SCOC: variants seen among roughly 807,000 people sequenced by gnomAD.
SCOC encodes the protein short coiled-coil protein.
In SCOC, 7 loss-of-function variants were observed where a neutral mutation model predicts 9.9. The observed-to-expected ratio is 0.71, with a 90% CI of 0.40 to 1.33. SCOC has a LOEUF of 1.33. SCOC is among the 40% of genes most tolerant of loss of function. The pLI, the probability that SCOC is intolerant of heterozygous loss-of-function variation, is 0.01. For missense variants in SCOC, 66 were observed against 89.7 expected (o/e 0.74, Z 1.07); for synonymous variants, 19 against 28.2 (o/e 0.67, Z 1.03).
At chr4:140,287,140 C>T (rs1033933366) in intron 1 of SCOC, among the ~76,000 whole-genome samples, 1 of 151,922 alleles carries the variant, frequency 6.6e-6, no homozygotes, top group African/African-American at 2.4e-5. Context: ...ACATCATGTG[C>T]ACATGCCACA....
rs555226595 is a variant in SCOC, at chr4:140,330,451, A to T, written c.-18-13170A>T. Among the ~76,000 whole-genome samples the T allele has an allele frequency of 1.1e-4, 16 of 152,310 alleles. No individual in the cohort carries two copies. The East Asian group carries it at 3.1e-3, about 29-fold the overall frequency. ...AAAATTAAAAATTAAAAAACAAAAA[A>T]TGCTGAAGCTTTTTGTTAAAGAGCA... On this transcript the variant is annotated intron_variant, in intron 1 of 4. Coordinates refer to the SCOC transcript ENST00000394205.
intron 1 of SCOC, among the ~76,000 whole-genome samples, chr4:140,287,898 C>T (rs1731343897): frequency 2.0e-5 from 3 of 152,068 alleles, no homozygotes; most frequent in Admixed American, 2.0e-4. Context: ...ACACCACATA[C>T]ACACAACATA....
chr4:140,332,875 A>G (rs139597397), intron 1 of SCOC, among the ~76,000 whole-genome samples: 1 of 151,680 alleles, frequency 6.6e-6, no homozygotes, highest in Admixed American at 6.6e-5. Flanking sequence ...GCCTTCCCCT[A>G]CCCCTCACCC....
At chr4:140,376,333 A>G (rs1041815333) in intron 1 of SCOC, 1 of 152,364 alleles carries the variant, frequency 6.6e-6, no homozygotes, top group Admixed American at 6.5e-5. Context: ...AGATGGGTCT[A>G]TTTGATCACA....
chr4:140,357,284 T>TTA (rs1251621820), intron 2 of SCOC, among the ~76,000 whole-genome samples: 2 of 152,146 alleles, frequency 1.3e-5, no homozygotes, highest in Non-Finnish European at 2.9e-5. Context: ...TTAAAATCTT[T>TTA]TATATATGGT....
intron 2 of SCOC, among the ~76,000 whole-genome samples, chr4:140,349,337 A>AT (rs995472420): frequency 9.9e-5 from 15 of 152,214 alleles, no homozygotes; most frequent in East Asian, 1.9e-4. Context: ...GAATATTTCA[A>AT]TTTTTTGTAC....
intron 1 of SCOC, among the ~76,000 whole-genome samples, chr4:140,334,328 G>A (rs1280208434): frequency 1.3e-5 from 2 of 152,142 alleles, no homozygotes; most frequent in Non-Finnish European, 2.9e-5. Flanking sequence ...CATCAGTAAA[G>A]TCAAGAATTG....
intron 1 of SCOC, among the ~76,000 whole-genome samples, chr4:140,257,592 G>A (rs937437582): frequency 1.3e-5 from 2 of 152,146 alleles, no homozygotes; most frequent in Admixed American, 6.5e-5. Context: ...GCTCTCTCAC[G>A]GCGGTGAGGA....
At chr4:140,259,165 G>A (rs900571223) in intron 1 of SCOC, among the ~76,000 whole-genome samples, 14 of 152,224 alleles carry the variant, frequency 9.2e-5, no homozygotes, top group African/African-American at 2.9e-4. Flanking sequence ...TCTACAAAAG[G>A]TTGGATATGG....
At chr4:140,373,873 G>A in intron 1 of SCOC, 156 bp downstream of exon 1, 1 of 827,140 alleles carries the variant, frequency 1.2e-6, no homozygotes, top group South Asian at 1.4e-5. Flanking sequence ...TTTGGTGGGC[G>A]GCGGAGGCCT....
intron 2 of SCOC, among the ~76,000 whole-genome samples, chr4:140,364,009 G>A (rs774364727): frequency 3.3e-5 from 5 of 152,044 alleles, no homozygotes; most frequent in African/African-American, 4.8e-5. Context: ...GTTGCCCACC[G>A]TTTCAAGATA....
chr4:140,378,429 A>G (rs547756587), intron 1 of SCOC, among the ~76,000 whole-genome samples: 35 of 152,022 alleles, frequency 2.3e-4, no homozygotes, highest in Admixed American at 2.0e-3. Context: ...ACATTTTTTC[A>G]TGTAGTATAG....
At chr4:140,259,149 C>G (rs532045391) in intron 1 of SCOC, among the ~76,000 whole-genome samples, 1 of 152,308 alleles carries the variant, frequency 6.6e-6, no homozygotes, top group East Asian at 1.9e-4. Flanking sequence ...AGAGGAAACA[C>G]CTTTGTCTAC....
upstream of SCOC, among the ~76,000 whole-genome samples, chr4:140,340,106 G>T (rs1399854423): frequency 6.6e-6 from 1 of 152,162 alleles, no homozygotes; most frequent in South Asian, 2.1e-4. Context: ...ATACACCATG[G>T]AATACTATGC....
intron 1 of SCOC, among the ~76,000 whole-genome samples, chr4:140,302,804 AGTAGACT>A (rs1731848991): frequency 6.6e-6 from 1 of 152,270 alleles, no homozygotes; most frequent in Admixed American, 6.5e-5. Context: ...CAGTAACAAA[AGTAGACT>A]GTAGACGTAG....
chr4:140,362,399 G>T (rs956605564), intron 2 of SCOC, among the ~76,000 whole-genome samples: 1 of 141,272 alleles, frequency 7.1e-6, no homozygotes, highest in Non-Finnish European at 1.5e-5. Flanking sequence ...GGGTTCAAGC[G>T]ATTCTCCTGC....
chr4:140,315,288 CCTAACAGTAT>C (rs1732282823), intron 1 of SCOC, among the ~76,000 whole-genome samples: 1 of 152,144 alleles, frequency 6.6e-6, no homozygotes. Context: ...AACGGGTATG[CCTAACAGTAT>C]CTAACATTTA....
chr4:140,313,411 C>T (rs1037107300), intron 1 of SCOC, among the ~76,000 whole-genome samples: 2 of 152,146 alleles, frequency 1.3e-5, no homozygotes, highest in Non-Finnish European at 2.9e-5. Flanking sequence ...GTCACCACAC[C>T]CAGCTAATTT....
chr4:140,329,759 C>T (rs780222048), intron 1 of SCOC, among the ~76,000 whole-genome samples: 3 of 152,072 alleles, frequency 2.0e-5, no homozygotes, highest in Non-Finnish European at 4.4e-5. Context: ...AATACCACCT[C>T]GCTCCTGCAA....
Sources: allele counts gnomAD v4.1 joint callset (sites outside exome capture counted in the v4.1 genomes callset), GRCh38; gene constraint gnomAD v4.1.1; transcripts MANE v1.5; gene names NCBI Gene and HGNC (gene_info 2026-07-23, HGNC 2026-07-21).